Variants in PABPC4L observed in about 807,000 individuals in gnomAD.
PABPC4L encodes polyadenylate-binding protein 4-like.
For synonymous variants in PABPC4L, 169 were observed against 164.1 expected (o/e 1.03, Z -0.23); for missense variants, 452 against 451.4 (o/e 1.00, Z -0.01).
In PABPC4L at chr4:134,201,209, G is replaced by A; in HGVS notation, c.-190C>T. Reference sequence around the variant, plus strand: ...ACACCCTCATCCAAAAGTCCCCACAGCCACCAATCTGGCCCTCCTAGGACG... The same window carrying A: ...ACACCCTCATCCAAAAGTCCCCACAACCACCAATCTGGCCCTCCTAGGACG... On this transcript the variant is annotated 5_prime_UTR_variant, in exon 2 of 2. Coordinates refer to ENST00000421491, the MANE Select transcript of PABPC4L (RefSeq NM_001114734.2). The A allele has an allele frequency of 7.8e-6, 12 of 1,544,526 alleles. No homozygotes were observed. Among genetic ancestry groups the A allele is most frequent in the Non-Finnish European group, 1.0e-5 (12 of 1,143,810 alleles).
At chr4:134,009,026 A>G in the PABPC4L span, among the ~76,000 whole-genome samples, 2 of 151,840 alleles carry the variant, frequency 1.3e-5, no homozygotes, top group Non-Finnish European at 2.9e-5. Flanking sequence ...ATCAGAAATT[A>G]TTGGCTATTA....
At chr4:134,137,768 T>C in the PABPC4L span, among the ~76,000 whole-genome samples, 1 of 151,904 alleles carries the variant, frequency 6.6e-6, no homozygotes. Context: ...TAATGGACTA[T>C]TATGCAAACC....
rs1397907217 is a variant in PABPC4L at position 134,200,521 on chromosome 4, C to T, written c.499G>A (p.Val167Met). 6.4e-7 allele frequency: 1 copy of T among 1,551,516 alleles called. No homozygotes were observed. The highest frequency in any genetic ancestry group is 8.7e-7 in the Non-Finnish European group (1 of 1,146,990). Residue 167 changes from valine to methionine, a missense_variant, in exon 2 of 2, where the codon GTG (valine) becomes ATG (methionine). Val to Met is a conservative substitution (Grantham distance 21). Coordinates refer to ENST00000421491, the MANE Select transcript of PABPC4L (RefSeq NM_001114734.2). Reference protein sequence around the residue: ...MNGKLLKGCKVFVGRFKNRKD... With the variant: ...MNGKLLKGCKMFVGRFKNRKD... ...CGGTTTTTGAATCTGCCAACAAACA[C>T]CTTGCAGCCCTTGAGTAGTTTTCCA...
chr4:134,039,336 G>A, the PABPC4L span, among the ~76,000 whole-genome samples: 6 of 152,022 alleles, frequency 3.9e-5, no homozygotes, highest in Non-Finnish European at 7.4e-5. Context: ...ATGTCTATTA[G>A]GTCTGCTTGG....
the PABPC4L span, among the ~76,000 whole-genome samples, chr4:134,138,841 T>A: frequency 6.6e-6 from 1 of 151,892 alleles, no homozygotes; most frequent in African/African-American, 2.4e-5. Context: ...AATTTCTGAA[T>A]CAGCTTTGTG....
chr4:134,179,295 C>T, the PABPC4L span, among the ~76,000 whole-genome samples: 1 of 151,886 alleles, frequency 6.6e-6, no homozygotes, highest in African/African-American at 2.4e-5. Flanking sequence ...CATATCCAGC[C>T]AAGTAAAGAA....
the PABPC4L span, among the ~76,000 whole-genome samples, chr4:134,093,965 C>T: frequency 6.6e-6 from 1 of 151,434 alleles, no homozygotes; most frequent in East Asian, 1.9e-4. Flanking sequence ...TTAAAAATTT[C>T]TTGCTGCCAT....
chr4:134,056,958 T>A, the PABPC4L span, among the ~76,000 whole-genome samples: 1 of 152,098 alleles, frequency 6.6e-6, no homozygotes, highest in African/African-American at 2.4e-5. Flanking sequence ...CTTGTCTTGT[T>A]CTCAATTGTA....
At chr4:134,133,729 G>A in the PABPC4L span, among the ~76,000 whole-genome samples, 2 of 151,704 alleles carry the variant, frequency 1.3e-5, no homozygotes, top group Non-Finnish European at 2.9e-5. Flanking sequence ...CTATACACTG[G>A]GTACAGGGAT....
At chr4:133,954,909 A>G in the PABPC4L span, among the ~76,000 whole-genome samples, 5 of 152,126 alleles carry the variant, frequency 3.3e-5, no homozygotes, top group Admixed American at 6.5e-5. Flanking sequence ...ACAGGGGAGG[A>G]CAGAATGGTG....
chr4:134,184,418 C>T, the PABPC4L span, among the ~76,000 whole-genome samples: 2,365 of 152,010 alleles, frequency 0.016, 32 homozygotes, highest in Middle Eastern at 0.041. Context: ...TCCTCCCCAC[C>T]ACCACTGGCA....
chr4:134,118,801 C>T, the PABPC4L span, among the ~76,000 whole-genome samples: 1 of 151,674 alleles, frequency 6.6e-6, no homozygotes, highest in Admixed American at 6.6e-5. Flanking sequence ...TAGTAATTGA[C>T]ATTTACCATC....
At chr4:133,998,866 T>C in the PABPC4L span, among the ~76,000 whole-genome samples, 1 of 151,980 alleles carries the variant, frequency 6.6e-6, no homozygotes, top group African/African-American at 2.4e-5. Flanking sequence ...TTTAGTTAGG[T>C]GTTTCCAGTT....
At chr4:134,115,014 T>C in the PABPC4L span, among the ~76,000 whole-genome samples, 1 of 151,844 alleles carries the variant, frequency 6.6e-6, no homozygotes, top group East Asian at 1.9e-4. Flanking sequence ...ATATTGGGAA[T>C]GCACCACTGT....
At chr4:134,043,820 A>G in the PABPC4L span, among the ~76,000 whole-genome samples, 1 of 152,156 alleles carries the variant, frequency 6.6e-6, no homozygotes, top group Non-Finnish European at 1.5e-5. Context: ...GAAATCAAAT[A>G]CAAATCTGAG....
the PABPC4L span, among the ~76,000 whole-genome samples, chr4:134,179,254 TA>T: frequency 9.2e-5 from 14 of 151,512 alleles, no homozygotes; most frequent in Admixed American, 9.2e-4. Flanking sequence ...TCAGCATTCT[TA>T]AAAGAAAAAA....
chr4:134,090,150 T>A, the PABPC4L span, among the ~76,000 whole-genome samples: 1 of 152,098 alleles, frequency 6.6e-6, no homozygotes, highest in Non-Finnish European at 1.5e-5. Context: ...TCTGCATGAC[T>A]CCCATAAGTC....
chr4:134,188,147 A>T, the PABPC4L span, among the ~76,000 whole-genome samples: 3 of 151,374 alleles, frequency 2.0e-5, no homozygotes, highest in Admixed American at 2.0e-4. Context: ...TGCTCTAGAG[A>T]TTACTATATA....
the PABPC4L span, among the ~76,000 whole-genome samples, chr4:134,064,121 T>C: frequency 6.6e-6 from 1 of 152,062 alleles, no homozygotes; most frequent in Non-Finnish European, 1.5e-5. Context: ...AGGTATTTTA[T>C]AAATATTTAT....
Sources: allele counts gnomAD v4.1 joint callset (sites outside exome capture counted in the v4.1 genomes callset), GRCh38; gene constraint gnomAD v4.1.1; transcripts MANE v1.5; gene names NCBI Gene and HGNC (gene_info 2026-07-23, HGNC 2026-07-21).